CNNM2: variants seen among roughly 807,000 people sequenced by gnomAD.
CNNM2 encodes the protein metal transporter CNNM2.
CNNM2 carries 12 observed loss-of-function variants against 66.9 expected under a neutral mutation model. The observed-to-expected ratio is 0.18, with a 90% CI of 0.11 to 0.29. CNNM2 has a LOEUF of 0.29. Ranked by LOEUF, CNNM2 falls within the 10% of genes least tolerant of loss-of-function variation. The pLI is 1.00. For missense variants in CNNM2, 705 were observed against 1,167.7 expected, an observed-to-expected ratio of 0.60 and a Z score of 5.77; for synonymous variants, 557 against 501.8, an observed-to-expected ratio of 1.11 and a Z score of -1.47.
chr10:102,994,974 C>T (rs1457076252), intron 1 of CNNM2, among the ~76,000 whole-genome samples: 2 of 152,068 alleles, frequency 1.3e-5, no homozygotes, highest in Admixed American at 6.5e-5. Context: ...CAATGCCAAT[C>T]GACCAAATGT....
chr10:103,053,495 A>G (rs1260441214), intron 2 of CNNM2, among the ~76,000 whole-genome samples: 1 of 152,240 alleles, frequency 6.6e-6, no homozygotes, highest in Non-Finnish European at 1.5e-5. Context: ...CAGCCTGGGC[A>G]ATAGAGCAAG....
intron 4 of CNNM2, among the ~76,000 whole-genome samples, chr10:103,066,591 C>T (rs369727220): frequency 9.2e-5 from 14 of 152,172 alleles, no homozygotes; most frequent in East Asian, 1.9e-4. Flanking sequence ...CCTGGCCGGC[C>T]GCTGCCGCCA....
intron 4 of CNNM2, among the ~76,000 whole-genome samples, chr10:103,067,228 C>T (rs1436007752): frequency 2.0e-5 from 3 of 151,960 alleles, no homozygotes; most frequent in Non-Finnish European, 4.4e-5. Context: ...AGGTGCACGC[C>T]ACCATGCCTG....
chr10:103,043,928 G>A (rs1268730051), intron 1 of CNNM2, among the ~76,000 whole-genome samples: 2 of 152,172 alleles, frequency 1.3e-5, no homozygotes, highest in African/African-American at 4.8e-5. Flanking sequence ...TTAAATACCA[G>A]AACAGTTCAA....
rs891735680 is a variant in CNNM2 at position 102,941,476 on chromosome 10, C to A, written c.1621+21375C>A. ...ATGATCATATACAACTGGCAAGGTC[C>A]CATGGGATATGGCCCCTTCTTTGGC... On this transcript the variant is annotated intron_variant, in intron 1 of 7. Coordinates refer to ENST00000369878, the MANE Select transcript of CNNM2 (RefSeq NM_017649.5). Among the ~76,000 whole-genome samples, 5 of 152,286 alleles carry A rather than the reference C, an allele frequency of 3.3e-5. No homozygotes were observed. The East Asian group carries it at 9.7e-4, about 29-fold the overall frequency.
chr10:103,057,177 T>C (rs557095203), intron 4 of CNNM2, among the ~76,000 whole-genome samples: 1 of 152,270 alleles, frequency 6.6e-6, no homozygotes, highest in South Asian at 2.1e-4. Context: ...TACTAAAAGG[T>C]GCTTAGTAGG....
chr10:102,984,939 C>T (rs1330217550), intron 1 of CNNM2, among the ~76,000 whole-genome samples: 2 of 152,048 alleles, frequency 1.3e-5, no homozygotes, highest in Non-Finnish European at 2.9e-5. Flanking sequence ...GACCACTGTG[C>T]CCGGGCTTTA....
intron 4 of CNNM2, among the ~76,000 whole-genome samples, chr10:103,060,366 A>G (rs569836874): frequency 6.6e-6 from 1 of 152,336 alleles, no homozygotes; most frequent in South Asian, 2.1e-4. Context: ...GTTCAAGACC[A>G]GCCTGGGCAA....
At chr10:102,989,053 G>A (rs1483457031) in intron 1 of CNNM2, among the ~76,000 whole-genome samples, 3 of 152,164 alleles carry the variant, frequency 2.0e-5, no homozygotes. Flanking sequence ...TTTTGTTGTT[G>A]TTGCTCTTCT....
intron 1 of CNNM2, among the ~76,000 whole-genome samples, chr10:103,019,964 A>G (rs1358150806): frequency 2.6e-5 from 4 of 152,218 alleles, no homozygotes; most frequent in Admixed American, 2.0e-4. Flanking sequence ...CAATTTTTCC[A>G]TTAGGTTCTA....
chr10:102,956,858 A>C (rs1404585304), intron 1 of CNNM2, among the ~76,000 whole-genome samples: 2 of 152,174 alleles, frequency 1.3e-5, no homozygotes, highest in African/African-American at 4.8e-5. Flanking sequence ...ATTGGGAGAA[A>C]TACCTAATGT....
At chr10:103,024,326 T>C in intron 1 of CNNM2, among the ~76,000 whole-genome samples, 1 of 152,340 alleles carries the variant, frequency 6.6e-6, no homozygotes, top group East Asian at 1.9e-4. Context: ...GGCTTTGTTA[T>C]ATTGGTTTCA....
intron 4 of CNNM2, among the ~76,000 whole-genome samples, chr10:103,066,326 G>A (rs2065476035): frequency 6.6e-6 from 1 of 152,114 alleles, no homozygotes; most frequent in African/African-American, 2.4e-5. Context: ...CACTCGTGGT[G>A]TCCCTGTTCC....
Position 102,941,570 on chromosome 10 carries a change from G to T in CNNM2, c.1621+21469G>T, listed in dbSNP as rs146902743. Among the ~76,000 whole-genome samples the T allele has an allele frequency of 3.0e-3, 460 of 152,244 alleles. 4 individuals carry two copies. The highest frequency in any genetic ancestry group is 0.02 in the Admixed American group (300 of 15,286). Reference sequence around the variant, plus strand: ...TTCCTGAGTGCCACAGGTACTCTAGGCATGCCCCTGCCTTGGAGCCTGTGT... The same window carrying T: ...TTCCTGAGTGCCACAGGTACTCTAGTCATGCCCCTGCCTTGGAGCCTGTGT... On this transcript the variant is annotated intron_variant, in intron 1 of 7. Transcript: ENST00000369878.
intron 1 of CNNM2, among the ~76,000 whole-genome samples, chr10:103,036,532 G>T (rs1176835198): frequency 1.3e-5 from 2 of 152,196 alleles, no homozygotes; most frequent in African/African-American, 4.8e-5. Flanking sequence ...AAGAGGAGCT[G>T]CCTGGAAAAT....
chr10:103,023,563 C>T (rs1466018448), intron 1 of CNNM2, among the ~76,000 whole-genome samples: 3 of 151,996 alleles, frequency 2.0e-5, no homozygotes, highest in Non-Finnish European at 4.4e-5. Context: ...TCCCCATCCC[C>T]ACAAAAAAAG....
intron 1 of CNNM2, among the ~76,000 whole-genome samples, chr10:103,000,151 G>T (rs1025148794): frequency 6.6e-6 from 1 of 151,970 alleles, no homozygotes; most frequent in Non-Finnish European, 1.5e-5. Context: ...CAGGAGACTC[G>T]CTTGAACCTG....
chr10:103,014,010 C>G (rs1302271319), intron 1 of CNNM2, among the ~76,000 whole-genome samples: 1 of 152,094 alleles, frequency 6.6e-6, no homozygotes, highest in African/African-American at 2.4e-5. Context: ...AAGTAAGAAC[C>G]ATTCCAAATT....
In CNNM2 at chr10:103,087,235, A is replaced by G. The variant is rs1158566534; in HGVS notation, c.*10055A>G. 3 of 140,078 alleles carry G rather than the reference A, an allele frequency of 2.1e-5. No homozygotes were observed. The highest frequency in any genetic ancestry group is 4.5e-5 in the Non-Finnish European group (3 of 66,610). The allele number at this position is 140,078 out of a possible 1,614,324, so 8.7% of individuals were successfully genotyped here. A position where few individuals can be genotyped will look rare whatever the true frequency, so the allele number is the denominator to read the frequency against. On this transcript the variant is annotated 3_prime_UTR_variant, in exon 8 of 8. Coordinates refer to ENST00000369878, the MANE Select transcript of CNNM2 (RefSeq NM_017649.5). ...ACTACTGGCAACAGAGAGAAAACTC[A>G]TAATTTGTTTTAAAAAGCCCAGTTA...
Sources: gnomAD v4.1 joint callset for allele counts (sites outside exome capture counted in the v4.1 genomes callset) on GRCh38, gnomAD v4.1.1 for gene constraint, MANE v1.5 for transcripts, NCBI Gene and HGNC (gene_info 2026-07-23, HGNC 2026-07-21) for gene names.